BAALC: variants seen among roughly 807,000 people sequenced by gnomAD.
The protein encoded by BAALC is BAALC binder of MAP3K1 and KLF4.
In BAALC, 9 loss-of-function variants were observed where a neutral mutation model predicts 15.5. That is an observed-to-expected ratio of 0.58 (90% CI 0.35 to 1.02). The LOEUF (loss-of-function observed/expected upper bound fraction) is 1.02. Ranked by LOEUF, BAALC falls within the 50% of genes least tolerant of loss-of-function variation. The probability of loss-of-function intolerance (pLI) is 0.02; values close to 1 mark genes in which losing one functional copy is unlikely to be tolerated. For missense variants in BAALC, 201 were observed against 192.4 expected (o/e 1.04, Z -0.27); for synonymous variants, 80 against 74.6 (o/e 1.07, Z -0.37).
chr8:103,221,463 AC>A (rs1232716260), intron 2 of BAALC, among the ~76,000 whole-genome samples: 1 of 150,068 alleles, frequency 6.7e-6, no homozygotes, highest in Non-Finnish European at 1.5e-5. Flanking sequence ...TGGGGGCCAT[AC>A]TTTTTTTTTT....
intron 1 of BAALC, among the ~76,000 whole-genome samples, chr8:103,190,723 T>A (rs967522429): frequency 6.6e-6 from 1 of 152,192 alleles, no homozygotes; most frequent in East Asian, 1.9e-4. Flanking sequence ...AAGGACTTCA[T>A]TGATTTCCAT....
chr8:103,147,883 G>A (rs1176752231), intron 1 of BAALC, among the ~76,000 whole-genome samples: 3 of 152,136 alleles, frequency 2.0e-5, no homozygotes, highest in Admixed American at 6.5e-5. Context: ...GGTTTACCCT[G>A]AGCCCAATCA....
rs556985737 is a variant in BAALC at position 103,222,709 on chromosome 8, A to G, written c.328-5280A>G. Among the ~76,000 whole-genome samples the G allele has an allele frequency of 2.8e-4, 43 of 152,354 alleles. No individual in the cohort carries two copies. The South Asian group carries it at 8.9e-3, about 32-fold the overall frequency. ...AATTTGCTAACTTAAATACAGTGTC[A>G]TTATTTGAAAGTGGATTTGTTTACG... On this transcript the variant is annotated intron_variant, in intron 2 of 2. Coordinates refer to ENST00000309982, the MANE Select transcript of BAALC (RefSeq NM_024812.3).
At chr8:103,214,425 C>A (rs1812514515) in intron 2 of BAALC, among the ~76,000 whole-genome samples, 1 of 152,160 alleles carries the variant, frequency 6.6e-6, no homozygotes, top group Non-Finnish European at 1.5e-5. Flanking sequence ...TAAAAGCAAG[C>A]AATGCAGGTT....
chr8:103,143,510 T>A (rs1293579861), intron 1 of BAALC, among the ~76,000 whole-genome samples: 2 of 152,170 alleles, frequency 1.3e-5, no homozygotes, highest in Admixed American at 6.5e-5. Context: ...ATGGCTTCAC[T>A]ACTAGAATTC....
intron 2 of BAALC, among the ~76,000 whole-genome samples, chr8:103,220,584 A>G (rs754957750): frequency 6.6e-6 from 1 of 152,238 alleles, no homozygotes; most frequent in Non-Finnish European, 1.5e-5. Context: ...CTTGAAGTTT[A>G]CAATATGAGG....
intron 1 of BAALC, among the ~76,000 whole-genome samples, chr8:103,147,597 C>T (rs989800524): frequency 2.3e-4 from 35 of 152,104 alleles, no homozygotes; most frequent in African/African-American, 8.5e-4. Flanking sequence ...GGAGGTCCAA[C>T]CTTCACCCTG....
At chr8:103,164,511 C>G (rs1028828764) in intron 1 of BAALC, among the ~76,000 whole-genome samples, 66 of 152,244 alleles carry the variant, frequency 4.3e-4, no homozygotes, top group African/African-American at 1.5e-3. Context: ...CTCTTGTGCC[C>G]AATAATATTT....
chr8:103,181,600 C>A (rs571577231), intron 1 of BAALC, among the ~76,000 whole-genome samples: 1 of 152,242 alleles, frequency 6.6e-6, no homozygotes, highest in South Asian at 2.1e-4. Flanking sequence ...CCCCATGCCG[C>A]TAATAAAATT....
rs1322824748 is a variant in BAALC, at chr8:103,187,059, T to TG, written c.161-25855dup. Among the ~76,000 whole-genome samples the TG allele has an allele frequency of 2.0e-5, 3 of 152,294 alleles. No individual in the cohort carries two copies. The East Asian group carries it at 5.8e-4, about 29-fold the overall frequency. On this transcript the variant is annotated intron_variant, in intron 1 of 2. Transcript: ENST00000309982. ...CGGCCACGTGCTGTTCTGCTACCAT[T>TG]GGGGGTCCTATTTTTGCTTTTTCTT...
At chr8:103,186,799 T>C (rs1385734957) in intron 1 of BAALC, among the ~76,000 whole-genome samples, 1 of 152,218 alleles carries the variant, frequency 6.6e-6, no homozygotes, top group African/African-American at 2.4e-5. Context: ...ACTAAGCAGA[T>C]GATAATGGAT....
chr8:103,185,526 C>T (rs983289495), intron 1 of BAALC, among the ~76,000 whole-genome samples: 1 of 152,198 alleles, frequency 6.6e-6, no homozygotes, highest in Admixed American at 6.5e-5. Context: ...CAACATCATT[C>T]CCTATTTCTA....
intron 1 of BAALC, among the ~76,000 whole-genome samples, chr8:103,180,634 G>A (rs1027683489): frequency 2.6e-5 from 4 of 152,218 alleles, no homozygotes; most frequent in African/African-American, 9.6e-5. Flanking sequence ...CCAGAAGGAT[G>A]TAGGGAGAGG....
intron 1 of BAALC, among the ~76,000 whole-genome samples, chr8:103,167,417 T>C (rs140445263): frequency 9.2e-5 from 14 of 152,326 alleles, no homozygotes; most frequent in African/African-American, 3.1e-4. Context: ...GAAATGGAGC[T>C]AGTGCTGCTG....
At chr8:103,199,786 T>C (rs192488921) in intron 1 of BAALC, among the ~76,000 whole-genome samples, 2,444 of 5,192 alleles carry the variant, frequency 0.47, 34 homozygotes, top group South Asian at 0.51. Context: ...CATTAGTTAT[T>C]TTTCCTGATT....
At chr8:103,176,205 A>G (rs1241472225) in intron 1 of BAALC, among the ~76,000 whole-genome samples, 2 of 152,164 alleles carry the variant, frequency 1.3e-5, no homozygotes, top group Non-Finnish European at 2.9e-5. Context: ...TACTTCTACT[A>G]TTTCACAAGA....
intron 1 of BAALC, among the ~76,000 whole-genome samples, chr8:103,142,827 A>G (rs1242299438): frequency 6.6e-6 from 1 of 152,132 alleles, no homozygotes; most frequent in African/African-American, 2.4e-5. Context: ...TTCATATCCC[A>G]TCCATCATGA....
At chr8:103,182,730 C>T (rs1194123909) in intron 1 of BAALC, among the ~76,000 whole-genome samples, 1 of 152,208 alleles carries the variant, frequency 6.6e-6, no homozygotes, top group Non-Finnish European at 1.5e-5. Context: ...TCCCAAGATA[C>T]TTATCCGTGA....
intron 1 of BAALC, among the ~76,000 whole-genome samples, chr8:103,153,726 C>T (rs1477464778): frequency 6.6e-6 from 1 of 152,192 alleles, no homozygotes; most frequent in Non-Finnish European, 1.5e-5. Context: ...CTGGGAGCTT[C>T]TGTTGGAGAA....
Sources: gnomAD v4.1 joint callset for allele counts (sites outside exome capture counted in the v4.1 genomes callset) on GRCh38, gnomAD v4.1.1 for gene constraint, MANE v1.5 for transcripts, NCBI Gene and HGNC (gene_info 2026-07-23, HGNC 2026-07-21) for gene names.